Variants in UGGT2 observed in about 807,000 individuals in gnomAD.
UGGT2 encodes UDP-glucose:glycoprotein glucosyltransferase 2.
Under a neutral mutation model 192.1 loss-of-function variants are expected in UGGT2, and 180 were observed. That is an observed-to-expected ratio of 0.94 (90% CI 0.83 to 1.06). UGGT2 has a LOEUF of 1.06. Ranked by LOEUF, UGGT2 falls within the 50% of genes least tolerant of loss-of-function variation. UGGT2 has a pLI of 0.00. For synonymous variants in UGGT2, 580 were observed against 591.0 expected (o/e 0.98, Z 0.27); for missense variants, 1,849 against 1,795.7 (o/e 1.03, Z -0.54).
intron 38 of UGGT2, among the ~76,000 whole-genome samples, chr13:95,823,066 A>G (rs953062140): frequency 9.2e-5 from 14 of 152,076 alleles, no homozygotes; most frequent in Non-Finnish European, 1.8e-4. Flanking sequence ...TCAGGAGCAG[A>G]TTATTTAATT....
Position 96,023,157 on chromosome 13 carries a change from G to T in UGGT2, c.373-5C>A. On this transcript the variant is annotated splice_region_variant and splice_polypyrimidine_tract_variant and intron_variant, in intron 3 of 38. Transcript: ENST00000376747. The stretch of plus-strand genomic sequence containing the variant: ...TGGTGGCTCATCAGCTGCAATCTAA[G>T]ATTTCAAAGATTATATTTAGCTACA... The T allele has an allele frequency of 6.4e-7, 1 of 1,561,424 alleles. No individual in the cohort carries two copies.
intron 38 of UGGT2, among the ~76,000 whole-genome samples, chr13:95,831,334 A>G (rs149010180): frequency 0.011 from 1,665 of 152,274 alleles, 37 homozygotes; most frequent in African/African-American, 0.038. Flanking sequence ...ATACATATCT[A>G]TACACAAACA....
chr13:96,047,139 A>G (rs1397526636), intron 1 of UGGT2, among the ~76,000 whole-genome samples: 3 of 152,152 alleles, frequency 2.0e-5, no homozygotes, highest in Non-Finnish European at 4.4e-5. Context: ...CCCAGCACGG[A>G]GTTTGAGATC....
At chr13:95,824,829 T>C (rs994563726) in intron 38 of UGGT2, among the ~76,000 whole-genome samples, 1 of 152,186 alleles carries the variant, frequency 6.6e-6, no homozygotes, top group African/African-American at 2.4e-5. Context: ...TGATCTTTTT[T>C]GGGGGTGTTA....
rs563516029 is a variant in UGGT2 at position 95,877,422 on chromosome 13, C to T, written c.3388-58G>A. ...AATATGACTAAAAACCATCGAATTG[C>T]TCATGAATACACGAATGATCTAAGA... On this transcript the variant is annotated intron_variant, in intron 28 of 38. Coordinates refer to ENST00000376747, the MANE Select transcript of UGGT2 (RefSeq NM_020121.4). 5.3e-6 allele frequency: 7 copies of T among 1,329,240 alleles called. No homozygotes were observed. In the African/African-American group the frequency reaches 8.8e-5, roughly 17 times the overall value. The allele number at this position is 1,329,240 out of a possible 1,614,324, so 82.3% of individuals were successfully genotyped here.
intron 20 of UGGT2, among the ~76,000 whole-genome samples, chr13:95,922,215 ATGC>A (rs1251329703): frequency 6.6e-6 from 1 of 152,248 alleles, no homozygotes; most frequent in Non-Finnish European, 1.5e-5. Context: ...AGAAAATCAA[ATGC>A]TGCGTGTTCT....
chr13:96,000,542 A>AT (rs1344814356), intron 5 of UGGT2, among the ~76,000 whole-genome samples: 1 of 152,232 alleles, frequency 6.6e-6, no homozygotes, highest in Non-Finnish European at 1.5e-5. Flanking sequence ...AAAGATGAAA[A>AT]TTTTTTAGAG....
intron 13 of UGGT2, among the ~76,000 whole-genome samples, chr13:95,948,469 AT>A (rs1349433483): frequency 2.0e-5 from 3 of 152,198 alleles, no homozygotes; most frequent in Non-Finnish European, 4.4e-5. Flanking sequence ...CCAAAAAAAA[AT>A]AGCATTAACA....
intron 10 of UGGT2, among the ~76,000 whole-genome samples, chr13:95,973,726 G>A (rs1035044450): frequency 3.9e-5 from 6 of 152,194 alleles, no homozygotes; most frequent in Non-Finnish European, 7.3e-5. Context: ...CAAGATCACA[G>A]TGTGAAGATC....
At chr13:95,823,312 G>A (rs1293837287) in intron 38 of UGGT2, among the ~76,000 whole-genome samples, 1 of 152,038 alleles carries the variant, frequency 6.6e-6, no homozygotes, top group Non-Finnish European at 1.5e-5. Context: ...TATAGCTTAA[G>A]TCCACTGTTT....
At chr13:95,999,984 G>C (rs77277418) in intron 5 of UGGT2, among the ~76,000 whole-genome samples, 648 of 152,228 alleles carry the variant, frequency 4.3e-3, no homozygotes, top group Middle Eastern at 0.01. Flanking sequence ...TACTCCTAGA[G>C]ATTACCTCAT....
chr13:95,933,444 G>A (rs374115190), intron 17 of UGGT2, among the ~76,000 whole-genome samples: 12 of 152,116 alleles, frequency 7.9e-5, no homozygotes, highest in African/African-American at 2.7e-4. Context: ...TATTTAGATC[G>A]TTTCTCCTTT....
At position 95,801,815 on chromosome 13, in the gene UGGT2, A is replaced by AT; in HGVS notation, c.4529-4dup. On this transcript the variant is annotated splice_region_variant and splice_polypyrimidine_tract_variant and intron_variant, in intron 38 of 38. Coordinates refer to ENST00000376747, the MANE Select transcript of UGGT2 (RefSeq NM_020121.4). ...CTAGAGTTCATCATGTGTCAAAACT[A>AT]TAAGGGAGAAAAGTTTATTTAGCTT... 1.9e-6 allele frequency: 3 copies of AT among 1,613,850 alleles called. No individual in the cohort carries two copies. Among genetic ancestry groups the AT allele is most frequent in the African/African-American group, 1.3e-5 (1 of 75,038 alleles).
chr13:96,049,881 T>C (rs2053433341), intron 1 of UGGT2, among the ~76,000 whole-genome samples: 1 of 152,160 alleles, frequency 6.6e-6, no homozygotes, highest in African/African-American at 2.4e-5. Flanking sequence ...GAAGAATCAG[T>C]ATCGTGAAAA....
chr13:96,045,641 C>T (rs2053288254), intron 1 of UGGT2, among the ~76,000 whole-genome samples: 1 of 152,178 alleles, frequency 6.6e-6, no homozygotes, highest in East Asian at 1.9e-4. Context: ...AGCAAAGTTT[C>T]CAGATACAAA....
chr13:95,903,113 A>T, intron 20 of UGGT2, 53 bp from the exon 21 acceptor site: 1 of 1,519,278 alleles, frequency 6.6e-7, no homozygotes, highest in Non-Finnish European at 8.9e-7. Flanking sequence ...ATCATTTTAC[A>T]GGTGAATATA....
At chr13:95,911,442 G>A (rs539154144) in intron 20 of UGGT2, among the ~76,000 whole-genome samples, 1 of 152,144 alleles carries the variant, frequency 6.6e-6, no homozygotes, top group Non-Finnish European at 1.5e-5. Flanking sequence ...TACCATCAGA[G>A]AATACTATAA....
At chr13:95,999,013 A>G (rs1285929529) in intron 6 of UGGT2, among the ~76,000 whole-genome samples, 198 bp downstream of exon 6, 2 of 152,208 alleles carry the variant, frequency 1.3e-5, no homozygotes, top group African/African-American at 4.8e-5. Context: ...TTTTAAAGAA[A>G]TTTTGATAAC....
rs116909005 is a variant in UGGT2 at position 96,042,480 on chromosome 13, C to A, written c.159-10509G>T. Among the ~76,000 whole-genome samples, 491 of 152,206 alleles carry A rather than the reference C, an allele frequency of 3.2e-3. 2 individuals carry two copies. Among genetic ancestry groups the A allele is most frequent in the Non-Finnish European group, 5.7e-3 (385 of 68,006 alleles). On this transcript the variant is annotated intron_variant, in intron 1 of 38. Transcript: ENST00000376747. Reference sequence around the variant, plus strand: ...GTTCTTTAACACCCCCCAAAAAAATCACACTCGCTCACCAGCAATAGATCC... The same window carrying A: ...GTTCTTTAACACCCCCCAAAAAAATAACACTCGCTCACCAGCAATAGATCC...
Sources: allele counts gnomAD v4.1 joint callset (sites outside exome capture counted in the v4.1 genomes callset), GRCh38; gene constraint gnomAD v4.1.1; transcripts MANE v1.5; gene names NCBI Gene and HGNC (gene_info 2026-07-23, HGNC 2026-07-21).